MGRN1: variants seen among roughly 807,000 people sequenced by gnomAD.
The protein encoded by MGRN1 is mahogunin ring finger 1.
Under a neutral mutation model 69.2 loss-of-function variants are expected in MGRN1, and 29 were observed. The observed-to-expected ratio is 0.42, with a 90% CI of 0.31 to 0.57. The LOEUF is 0.57. Among genes scored for constraint, MGRN1 ranks in the 20% least tolerant of loss-of-function variants. The probability of loss-of-function intolerance (pLI) is 0.15; values close to 1 mark genes in which losing one functional copy is unlikely to be tolerated. For synonymous variants in MGRN1, 470 were observed against 344.2 expected, an observed-to-expected ratio of 1.37 and a Z score of -4.04; for missense variants, 998 against 796.2, an observed-to-expected ratio of 1.25 and a Z score of -3.05.
intron 16 of MGRN1, chr16:4,686,362 C>T (rs2079319018): frequency 6.5e-7 from 1 of 1,528,608 alleles, no homozygotes; most frequent in Non-Finnish European, 8.8e-7. Flanking sequence ...GAGAGAGGAG[C>T]CCTCCCCTGC....
At chr16:4,686,108 G>C (rs1330492144) in intron 16 of MGRN1, 1 of 955,888 alleles carries the variant, frequency 1.0e-6, no homozygotes, top group Non-Finnish European at 1.5e-6. Flanking sequence ...CCCAGCTGTG[G>C]TTCTCCTTGT....
chr16:4,663,146 C>T (rs2078720546), intron 5 of MGRN1, among the ~76,000 whole-genome samples: 1 of 151,738 alleles, frequency 6.6e-6, no homozygotes, highest in Non-Finnish European at 1.5e-5. Flanking sequence ...TCACTGCAAT[C>T]TCCGCCTCCC....
At chr16:4,686,635 C>CCAGAG in intron 16 of MGRN1, 1 of 1,150,556 alleles carries the variant, frequency 8.7e-7, no homozygotes, top group Non-Finnish European at 1.1e-6. Context: ...TGCGCCAGAG[C>CCAGAG]CACTGTCCAC....
At chr16:4,658,548 A>G (rs904869221) in intron 5 of MGRN1, among the ~76,000 whole-genome samples, 2 of 151,474 alleles carry the variant, frequency 1.3e-5, no homozygotes, top group African/African-American at 4.9e-5. Flanking sequence ...AAAAAAAAAA[A>G]ACAATGTAGA....
Position 4,651,834 on chromosome 16 carries a change from G to A in MGRN1, c.208-129G>A, listed in dbSNP as rs920253684. The A allele has an allele frequency of 6.2e-6, 5 of 812,192 alleles. No homozygotes were observed. The African/African-American group carries it at 6.8e-5, about 11-fold the overall frequency. The allele number at this position is 812,192 out of a possible 1,614,324, so 50.3% of individuals were successfully genotyped here. On this transcript the variant is annotated intron_variant, in intron 2 of 16. Coordinates refer to ENST00000262370, the MANE Select transcript of MGRN1 (RefSeq NM_015246.4). The stretch of plus-strand genomic sequence containing the variant: ...CCTGTAAATGAGAACAGTGCACCCA[G>A]TATAGCCCCTCCCATGGGACTAGAT...
intron 7 of MGRN1, 121 bp from the exon 8 acceptor site, chr16:4,668,144 T>TTTTTTTTCCAGC: frequency 4.4e-6 from 3 of 676,522 alleles, no homozygotes; most frequent in Non-Finnish European, 7.2e-6. Flanking sequence ...TTTTTCTTTT[T>TTTTTTTTCCAGC]TCTTTTTCCA....
At chr16:4,661,348 G>C (rs2078676302) in intron 5 of MGRN1, among the ~76,000 whole-genome samples, 1 of 152,160 alleles carries the variant, frequency 6.6e-6, no homozygotes, top group African/African-American at 2.4e-5. Context: ...GGCCGCCTTG[G>C]CCACCTTTCG....
At chr16:4,635,509 G>T (rs945026769) in intron 1 of MGRN1, among the ~76,000 whole-genome samples, 21 of 151,124 alleles carry the variant, frequency 1.4e-4, no homozygotes, top group Non-Finnish European at 2.7e-4. Context: ...TTGCTCTGTC[G>T]CCCAGGCTGG....
chr16:4,648,214 C>T (rs1412459040), intron 1 of MGRN1, among the ~76,000 whole-genome samples: 1 of 152,176 alleles, frequency 6.6e-6, no homozygotes, highest in Non-Finnish European at 1.5e-5. Flanking sequence ...GTCCCTGCAG[C>T]TACCCGGGTC....
chr16:4,686,137 C>T lies in MGRN1; in HGVS notation c.1618+2205C>T. The T allele has an allele frequency of 5.2e-6, 6 of 1,158,772 alleles. No homozygotes were observed. In the South Asian group the frequency reaches 7.4e-5, roughly 14 times the overall value. 71.8% of individuals were successfully genotyped at this position (1,158,772 alleles called of 1,614,324 possible). ...TCCTTGTGGTTCTCTGTGGTTGCAGCAGAGTGTTTGTTTCTAGACGGCCTC... is the reference window on the plus strand; with the variant it reads ...TCCTTGTGGTTCTCTGTGGTTGCAGTAGAGTGTTTGTTTCTAGACGGCCTC... On this transcript the variant is annotated intron_variant, in intron 16 of 16. Coordinates refer to ENST00000262370, the MANE Select transcript of MGRN1 (RefSeq NM_015246.4).
At chr16:4,643,927 T>G (rs1287411313) in intron 1 of MGRN1, among the ~76,000 whole-genome samples, 2 of 152,196 alleles carry the variant, frequency 1.3e-5, no homozygotes, top group African/African-American at 2.4e-5. Context: ...CACAGTTGGA[T>G]ACAAGCTGTT....
intron 1 of MGRN1, among the ~76,000 whole-genome samples, chr16:4,643,852 A>G (rs899017102): frequency 2.5e-4 from 38 of 152,240 alleles, no homozygotes; most frequent in Non-Finnish European, 4.0e-4. Context: ...AGAAATACGA[A>G]AAAACATTGG....
chr16:4,678,708 ATT>A (rs775765009), intron 11 of MGRN1, among the ~76,000 whole-genome samples: 6 of 152,188 alleles, frequency 3.9e-5, no homozygotes, highest in Non-Finnish European at 8.8e-5. Context: ...GGCCACGCGC[ATT>A]GTCAGATTGA....
chr16:4,680,295 G>A (rs2079151266), intron 12 of MGRN1, 198 bp downstream of exon 12: 2 of 571,394 alleles, frequency 3.5e-6, no homozygotes, highest in Admixed American at 6.8e-5. Context: ...CGAAACGCCA[G>A]GTGCGCTGGC....
rs376198884 is a variant in MGRN1 at position 4,652,781 on chromosome 16, A to C, written c.400A>C (p.Ile134Leu). ...FDADARVAITIYCQASEEFLN... is the reference protein window; with the variant it reads ...FDADARVAITLYCQASEEFLN... Reference sequence around the variant, plus strand: ...CGCCGATGCCCGCGTGGCCATCACCATCTACTGCCAGGCATCGGAGGAGTT... The same window carrying C: ...CGCCGATGCCCGCGTGGCCATCACCCTCTACTGCCAGGCATCGGAGGAGTT... The change falls in exon 4 of 17, where the codon ATC (isoleucine) becomes CTC (leucine). Residue 134 changes from isoleucine (I) to leucine (L), a missense_variant. Physicochemically the swap from Ile to Leu is conservative, Grantham distance 5 (BLOSUM62 2). Coordinates refer to ENST00000262370, the MANE Select transcript of MGRN1 (RefSeq NM_015246.4). The C allele has an allele frequency of 3.1e-6, 5 of 1,611,284 alleles. No homozygotes were observed. Among genetic ancestry groups the C allele is most frequent in the East Asian group, 4.5e-5 (2 of 44,774 alleles).
intron 16 of MGRN1, chr16:4,686,578 G>T (rs567881193): frequency 6.1e-6 from 8 of 1,305,668 alleles, no homozygotes; most frequent in Non-Finnish European, 6.8e-6. Flanking sequence ...GCCTTGAGGG[G>T]CCCTGGAACA....
In MGRN1 at chr16:4,688,748, G is replaced by A. The variant is rs1194869923; in HGVS notation, c.1619-48G>A. On this transcript the variant is annotated intron_variant, in intron 16 of 16. Transcript: ENST00000262370. ...CAGATCGGTAGGAGCGGGTGGCGTGGCACCAGGCATCCGAGTGTGACCCTC... is the reference window on the plus strand; with the variant it reads ...CAGATCGGTAGGAGCGGGTGGCGTGACACCAGGCATCCGAGTGTGACCCTC... 19 of 1,508,702 alleles carry A rather than the reference G, an allele frequency of 1.3e-5. No homozygotes were observed. The Middle Eastern group carries it at 7.0e-4, about 56-fold the overall frequency. 93.5% of individuals were successfully genotyped at this position (1,508,702 alleles called of 1,614,324 possible).
chr16:4,628,166 C>T (rs1313580158), intron 1 of MGRN1, among the ~76,000 whole-genome samples: 2 of 151,170 alleles, frequency 1.3e-5, no homozygotes, highest in Admixed American at 1.3e-4. Flanking sequence ...GCAGGCGGAT[C>T]ACGAGGTCAG....
chr16:4,658,554 G>C (rs1453263955), intron 5 of MGRN1, among the ~76,000 whole-genome samples: 1 of 151,110 alleles, frequency 6.6e-6, no homozygotes, highest in Non-Finnish European at 1.5e-5. Context: ...AAAAAACAAT[G>C]TAGACCTTGT....
Sources: allele counts gnomAD v4.1 joint callset (sites outside exome capture counted in the v4.1 genomes callset), GRCh38; gene constraint gnomAD v4.1.1; transcripts MANE v1.5; gene names NCBI Gene and HGNC (gene_info 2026-07-23, HGNC 2026-07-21).